The following TP53I13 variants were observed in gnomAD, a reference collection of about 807,000 sequenced individuals.
TP53I13 encodes the protein tumor protein p53-inducible protein 13.
In TP53I13, 27 loss-of-function variants were observed where a neutral mutation model predicts 39.1. That is an observed-to-expected ratio of 0.69 (90% CI 0.51 to 0.95). The LOEUF is 0.95. Ranked by LOEUF, TP53I13 falls within the 40% of genes least tolerant of loss-of-function variation. The pLI is 0.00. For synonymous variants in TP53I13, 230 were observed against 224.6 expected (o/e 1.02, Z -0.22); for missense variants, 544 against 520.4 (o/e 1.05, Z -0.44).
downstream of TP53I13, chr17:29,576,711 G>A (rs1317289253): frequency 6.2e-7 from 1 of 1,611,532 alleles, no homozygotes; most frequent in Non-Finnish European, 8.5e-7. Context: ...GCACCTGGGG[G>A]CAGGGAGGCC....
downstream of TP53I13, chr17:29,575,784 C>G (rs758201784): frequency 6.2e-7 from 1 of 1,610,286 alleles, no homozygotes; most frequent in Non-Finnish European, 8.5e-7. The surrounding 1 kb of genome is among the most constrained non-coding windows in gnomAD (Gnocchi z 5.5). Flanking sequence ...CCCAGCCACC[C>G]TGTGGGCACT....
intron 3 of TP53I13, 69 bp downstream of exon 3, chr17:29,569,428 G>T: frequency 6.6e-7 from 1 of 1,511,648 alleles, no homozygotes; most frequent in Non-Finnish European, 9.1e-7. Flanking sequence ...AGCAGGCTTC[G>T]CTGCCTGTTC....
chr17:29,579,770 C>T, the TP53I13 span, among the ~76,000 whole-genome samples: 2 of 152,028 alleles, frequency 1.3e-5, no homozygotes, highest in African/African-American at 2.4e-5. Context: ...CTTATCTAAT[C>T]CTCTCCTCCC....
chr17:29,575,833 G>A (rs377012557), downstream of TP53I13: 126 of 1,612,788 alleles, frequency 7.8e-5, 2 homozygotes, highest in East Asian at 5.6e-4. The surrounding 1 kb of genome is among the most constrained non-coding windows in gnomAD (Gnocchi z 5.5). Context: ...TTCCCTCCTG[G>A]GAGCAGGACA....
chr17:29,576,959 G>T (rs142617234), downstream of TP53I13: 5 of 1,601,358 alleles, frequency 3.1e-6, no homozygotes, highest in African/African-American at 6.7e-5. Flanking sequence ...GTTGGTCGTC[G>T]AGGTCACTCT....
the TP53I13 span, chr17:29,579,236 A>C: frequency 1.8e-6 from 1 of 552,908 alleles, no homozygotes; most frequent in South Asian, 2.3e-5. Flanking sequence ...AGCCTCCCTC[A>C]CCCTCCAGTC....
downstream of TP53I13, chr17:29,574,507 C>A: frequency 1.6e-6 from 1 of 640,626 alleles, no homozygotes; most frequent in Non-Finnish European, 2.8e-6. Context: ...GGGACAGAAG[C>A]TCCTGCCCCC....
the TP53I13 span, chr17:29,578,655 A>G: frequency 0.74 from 962,319 of 1,299,582 alleles, 358,206 homozygotes; most frequent in East Asian, 0.92. Context: ...TCAGAGGCAG[A>G]GGAAGCAAGA....
rs1364172531 is a variant in TP53I13 at position 29,572,914 on chromosome 17, G to A, written c.1172G>A (p.Ser391Asn). Residue 391 changes from serine (S) to asparagine (N), a missense_variant, in exon 7 of 7, where the codon AGC becomes AAC. Physicochemically the swap from Ser to Asn is conservative, Grantham distance 46. Coordinates refer to ENST00000301057, the MANE Select transcript of TP53I13 (RefSeq NM_138349.4). ...PTPDSGPEGE[S>N]SE ...CCGGACAGCGGCCCGGAAGGCGAGA[G>A]CTCGGAGTGACGGCCTGGGACCTGC... is the stretch of plus-strand genomic sequence containing the variant. 12 of 1,498,530 alleles carry A rather than the reference G, an allele frequency of 8.0e-6. No individual in the cohort carries two copies. The highest frequency in any genetic ancestry group is 1.3e-5 in the South Asian group (1 of 79,742). 92.8% of individuals were successfully genotyped at this position (1,498,530 alleles called of 1,614,324 possible).
At chr17:29,571,245 T>G (rs1360900390) in intron 3 of TP53I13, 1 of 294,018 alleles carries the variant, frequency 3.4e-6, no homozygotes, top group Non-Finnish European at 6.5e-6. Flanking sequence ...ATCGATGGTC[T>G]TCATTTGGGG....
chr17:29,572,996 C>T lies in TP53I13; in HGVS notation c.*72C>T, dbSNP rs2033025540. ...GAGGCCGCGACCTCTGCCACGTGGACCGCGCGCGGGGCGCTCCCTGGTGGC... is the reference window on the plus strand; with the variant it reads ...GAGGCCGCGACCTCTGCCACGTGGATCGCGCGCGGGGCGCTCCCTGGTGGC... On this transcript the variant is annotated 3_prime_UTR_variant, in exon 7 of 7. Coordinates refer to ENST00000301057, the MANE Select transcript of TP53I13 (RefSeq NM_138349.4). 2.4e-6 allele frequency: 3 copies of T among 1,235,000 alleles called. No homozygotes were observed. The highest frequency in any genetic ancestry group is 4.2e-5 in the Admixed American group (1 of 23,968). The allele number at this position is 1,235,000 out of a possible 1,614,324, so 76.5% of individuals were successfully genotyped here.
the TP53I13 span, chr17:29,579,061 C>T: frequency 2.8e-4 from 387 of 1,359,444 alleles, no homozygotes; most frequent in East Asian, 5.7e-4. Flanking sequence ...GGGCAGCACA[C>T]GCCTTTTCAC....
chr17:29,579,543 G>A, the TP53I13 span, among the ~76,000 whole-genome samples: 4 of 152,104 alleles, frequency 2.6e-5, no homozygotes, highest in Non-Finnish European at 4.4e-5. Flanking sequence ...GCCAGGAGGT[G>A]GAGACCAGCC....
At chr17:29,567,060 G>C, upstream of TP53I13, 1 of 1,089,066 alleles carries the variant, frequency 9.2e-7, no homozygotes, top group Non-Finnish European at 1.1e-6. This position sits in a 1 kb window ranked among gnomAD's most constrained non-coding sequence, Gnocchi z 6.6. Context: ...GCCGGCGGCG[G>C]CTGCCCAGGG....
downstream of TP53I13, chr17:29,575,756 C>T (rs1016291291): frequency 8.1e-6 from 13 of 1,598,956 alleles, no homozygotes; most frequent in Admixed American, 1.0e-4. This position sits in a 1 kb window ranked among gnomAD's most constrained non-coding sequence, Gnocchi z 5.5. Context: ...ACCCACACTG[C>T]CCCTAGCCCA....
chr17:29,569,135 C>T (rs754758290), intron 2 of TP53I13, 49 bp downstream of exon 2: 1 of 1,544,372 alleles, frequency 6.5e-7, no homozygotes, highest in Non-Finnish European at 8.8e-7. Context: ...AAGGCTAGCC[C>T]AGTCCCGCTC....
chr17:29,576,011 C>A, downstream of TP53I13: 3 of 1,575,334 alleles, frequency 1.9e-6, no homozygotes, highest in Non-Finnish European at 2.6e-6. Context: ...GAATTCAGCA[C>A]AGAGCCCAGA....
chr17:29,578,671 G>A, the TP53I13 span: 2 of 1,408,400 alleles, frequency 1.4e-6, no homozygotes, highest in African/African-American at 2.8e-5. Flanking sequence ...CAAGAGCAGA[G>A]GGTGGGGGAT....
At chr17:29,579,380 C>T in the TP53I13 span, 1 of 275,626 alleles carries the variant, frequency 3.6e-6, no homozygotes, top group African/African-American at 2.2e-5. Context: ...ATACACCTGG[C>T]TGCACTACCC....
Sources: gnomAD v4.1 joint callset for allele counts (sites outside exome capture counted in the v4.1 genomes callset) on GRCh38, gnomAD v4.1.1 for gene constraint, Gnocchi (gnomAD v3.1) non-coding constraint, MANE v1.5 for transcripts, NCBI Gene and HGNC (gene_info 2026-07-23, HGNC 2026-07-21) for gene names.